Variants in LRRC28 observed in about 807,000 individuals in gnomAD.
LRRC28 encodes the protein leucine rich repeat containing 28.
A neutral mutation model predicts 45.7 loss-of-function variants in LRRC28; 39 were observed. The observed-to-expected ratio is 0.85, with a 90% CI of 0.66 to 1.12. The LOEUF is 1.12. Among genes scored for constraint, LRRC28 ranks in the 50% most tolerant of loss-of-function variants. LRRC28 has a pLI of 0.00. For synonymous variants in LRRC28, 206 were observed against 178.8 expected (o/e 1.15, Z -1.22); for missense variants, 435 against 438.5 (o/e 0.99, Z 0.07).
intron 6 of LRRC28, among the ~76,000 whole-genome samples, chr15:99,341,081 G>GTC: frequency 7.9e-6 from 1 of 127,046 alleles, no homozygotes; most frequent in Admixed American, 8.4e-5. Flanking sequence ...CTATTCTACT[G>GTC]TCTTTTTTTT....
intron 5 of LRRC28, among the ~76,000 whole-genome samples, chr15:99,309,624 G>C (rs1342576248): frequency 6.6e-6 from 1 of 152,138 alleles, no homozygotes; most frequent in Non-Finnish European, 1.5e-5. Flanking sequence ...GGCCAGGCTG[G>C]TCTTGAACTC....
chr15:99,370,016 G>C (rs1363463254), intron 9 of LRRC28, among the ~76,000 whole-genome samples: 1 of 152,148 alleles, frequency 6.6e-6, no homozygotes. Context: ...ACTTTTCTTA[G>C]TACTGTAAGA....
chr15:99,329,969 AT>A (rs1184942262), intron 5 of LRRC28, among the ~76,000 whole-genome samples: 1 of 152,232 alleles, frequency 6.6e-6, no homozygotes, highest in Non-Finnish European at 1.5e-5. Context: ...CTTGCAAAAA[AT>A]ATGTATGTTT....
chr15:99,363,533 A>G (rs1219297377), intron 9 of LRRC28: 8 of 281,228 alleles, frequency 2.8e-5, no homozygotes, highest in East Asian at 2.8e-4. Context: ...TTTTCCTGCT[A>G]TTTCCCTATT....
chr15:99,324,572 G>A (rs953474452), intron 5 of LRRC28, among the ~76,000 whole-genome samples: 1 of 152,146 alleles, frequency 6.6e-6, no homozygotes, highest in East Asian at 1.9e-4. Flanking sequence ...CATCAGCACA[G>A]AACTATGATT....
rs933909326 is a variant in LRRC28, at chr15:99,387,228, T to A, written c.*1126T>A. On this transcript the variant is annotated 3_prime_UTR_variant, in exon 10 of 10. Transcript: ENST00000301981. ...GGCGCCCGCCACCACGCCCGGCTAA[T>A]TTTTTGTATTTTTAGTAGAGACGGG... is the stretch of plus-strand genomic sequence containing the variant. The A allele has an allele frequency of 4.1e-5, 6 of 148,136 alleles. No individual in the cohort carries two copies. The highest frequency in any genetic ancestry group is 7.5e-5 in the Non-Finnish European group (5 of 66,902). 9.2% of individuals were successfully genotyped at this position (148,136 alleles called of 1,614,324 possible). A position where few individuals can be genotyped will look rare whatever the true frequency, so the allele number is the denominator to read the frequency against.
intron 3 of LRRC28, 34 bp from the exon 4 acceptor site, chr15:99,287,223 G>T (rs771185960): frequency 6.5e-7 from 1 of 1,543,428 alleles, no homozygotes; most frequent in Non-Finnish European, 8.8e-7. Context: ...AGTACTTAAT[G>T]ATAATGGCTG....
intron 2 of LRRC28, among the ~76,000 whole-genome samples, chr15:99,267,413 G>C (rs998851793): frequency 6.6e-6 from 1 of 152,184 alleles, no homozygotes; most frequent in Non-Finnish European, 1.5e-5. Context: ...CGGGAATTAA[G>C]TTTTGTTATT....
intron 9 of LRRC28, among the ~76,000 whole-genome samples, chr15:99,376,882 T>G (rs974556515): frequency 6.6e-6 from 1 of 152,230 alleles, no homozygotes; most frequent in African/African-American, 2.4e-5. Flanking sequence ...ACTCATCCTT[T>G]TTTATGGCTG....
At position 99,341,621 on chromosome 15, in the gene LRRC28, G is replaced by A. The variant is rs150504742; in HGVS notation, c.592+7492G>A. Among the ~76,000 whole-genome samples the A allele has an allele frequency of 1.5e-3, 226 of 152,248 alleles. 3 individuals carry two copies. The highest frequency in any genetic ancestry group is 4.8e-3 in the African/African-American group (201 of 41,540). On this transcript the variant is annotated intron_variant, in intron 6 of 9. Coordinates refer to ENST00000301981, the MANE Select transcript of LRRC28 (RefSeq NM_144598.5). ...TCTAAGTTTTGGAGTAGGATTTAGGGGGTGGGACATGATTAATGTGAAGAA... is the reference window on the plus strand; with the variant it reads ...TCTAAGTTTTGGAGTAGGATTTAGGAGGTGGGACATGATTAATGTGAAGAA...
chr15:99,259,811 C>G, intron 2 of LRRC28: 1 of 923,362 alleles, frequency 1.1e-6, no homozygotes, highest in East Asian at 2.4e-5. Context: ...TGTCTTTTAC[C>G]AGACACTAAA....
chr15:99,269,551 C>T (rs2081419338), intron 2 of LRRC28, among the ~76,000 whole-genome samples: 1 of 151,982 alleles, frequency 6.6e-6, no homozygotes, highest in African/African-American at 2.4e-5. Context: ...TTACAGGCAC[C>T]CGCCATCACG....
chr15:99,362,221 C>T (rs1957223916), intron 8 of LRRC28, among the ~76,000 whole-genome samples: 1 of 152,232 alleles, frequency 6.6e-6, no homozygotes, highest in African/African-American at 2.4e-5. Flanking sequence ...AAAAACATCT[C>T]ACATTAACCT....
intron 5 of LRRC28, among the ~76,000 whole-genome samples, chr15:99,293,371 A>G (rs982636313): frequency 2.0e-5 from 3 of 152,008 alleles, no homozygotes; most frequent in African/African-American, 7.3e-5. Context: ...AGGTGGGTGG[A>G]TCACCTGAGG....
intron 5 of LRRC28, among the ~76,000 whole-genome samples, chr15:99,299,682 A>G (rs1414009288): frequency 6.6e-6 from 1 of 152,202 alleles, no homozygotes; most frequent in Non-Finnish European, 1.5e-5. Flanking sequence ...ATGTAATGAG[A>G]AGTAATTTTT....
rs1958111170 is a variant in LRRC28 at position 99,389,073 on chromosome 15, C to T, written c.*2971C>T. ...ATTAAATGATCCCTATTCAAAAGAA[C>T]CCTGGCTTGGGTGGAGGATCCACTC... is the stretch of plus-strand genomic sequence containing the variant. On this transcript the variant is annotated 3_prime_UTR_variant, in exon 10 of 10. Transcript: ENST00000301981. The T allele has an allele frequency of 6.6e-6, 1 of 152,146 alleles. No individual in the cohort carries two copies. The highest frequency in any genetic ancestry group is 1.5e-5 in the Non-Finnish European group (1 of 68,020). 9.4% of individuals were successfully genotyped at this position (152,146 alleles called of 1,614,324 possible).
chr15:99,279,585 T>TG (rs1482573463), intron 3 of LRRC28, among the ~76,000 whole-genome samples: 1 of 152,248 alleles, frequency 6.6e-6, no homozygotes, highest in East Asian at 1.9e-4. Flanking sequence ...CCCTTGCTAC[T>TG]GCTTTTCTCT....
At chr15:99,316,885 A>C (rs570236332) in intron 5 of LRRC28, among the ~76,000 whole-genome samples, 2 of 152,116 alleles carry the variant, frequency 1.3e-5, no homozygotes, top group African/African-American at 4.8e-5. Context: ...CCCAGGCTGG[A>C]GGAGTACAGT....
chr15:99,265,554 C>T (rs2081310252), intron 2 of LRRC28, among the ~76,000 whole-genome samples: 1 of 152,146 alleles, frequency 6.6e-6, no homozygotes, highest in African/African-American at 2.4e-5. Context: ...GCCTTACAAC[C>T]TTCCCTGCAT....
Sources: allele counts gnomAD v4.1 joint callset (sites outside exome capture counted in the v4.1 genomes callset), GRCh38; gene constraint gnomAD v4.1.1; transcripts MANE v1.5; gene names NCBI Gene and HGNC (gene_info 2026-07-23, HGNC 2026-07-21).